The following SPIRE1 variants were observed in gnomAD, a reference collection of about 807,000 sequenced individuals.
SPIRE1 encodes spire type actin nucleation factor 1.
SPIRE1 carries 40 observed loss-of-function variants against 94.1 expected under a neutral mutation model. The observed-to-expected ratio is 0.43, with a 90% confidence interval of 0.33 to 0.55. The LOEUF (loss-of-function observed/expected upper bound fraction) is 0.55. Among genes scored for constraint, SPIRE1 ranks in the 20% least tolerant of loss-of-function variants. The probability of loss-of-function intolerance (pLI) is 0.06; values close to 1 mark genes in which losing one functional copy is unlikely to be tolerated. For synonymous variants in SPIRE1, 376 were observed against 371.7 expected, an observed-to-expected ratio of 1.01 and a Z score of -0.13; for missense variants, 838 against 975.2, an observed-to-expected ratio of 0.86 and a Z score of 1.87.
chr18:12,520,689 C>T (rs2034333028), intron 4 of SPIRE1, among the ~76,000 whole-genome samples: 1 of 152,096 alleles, frequency 6.6e-6, no homozygotes, highest in Non-Finnish European at 1.5e-5. Flanking sequence ...GATTTTCTGT[C>T]AAAAAGTGGT....
intron 5 of SPIRE1, among the ~76,000 whole-genome samples, chr18:12,508,241 T>C (rs547499527): frequency 1.3e-5 from 2 of 152,196 alleles, no homozygotes; most frequent in Non-Finnish European, 1.5e-5. Flanking sequence ...GAATCTTCTA[T>C]GTAAAATAAC....
intron 2 of SPIRE1, among the ~76,000 whole-genome samples, chr18:12,584,533 T>C (rs150461233): frequency 3.9e-5 from 6 of 152,270 alleles, no homozygotes; most frequent in Non-Finnish European, 7.4e-5. Context: ...CCAAATAATA[T>C]AGTCTCAAAA....
intron 2 of SPIRE1, among the ~76,000 whole-genome samples, chr18:12,592,833 C>A (rs796835144): frequency 6.6e-6 from 1 of 152,220 alleles, no homozygotes; most frequent in Non-Finnish European, 1.5e-5. Context: ...AGATAATTAA[C>A]TTCTATCTCC....
At position 12,449,815 on chromosome 18, in the gene SPIRE1, G is replaced by A. The variant is rs769846119; in HGVS notation, c.2094C>T (p.Thr698=). ...FPKELMEDWS[T]MEVCVDCKKF... ...TCTTGCAGTCCACACACACCTCCATGGTGCTCCAGTCCTCCATCAACTCTT... is the reference window on the plus strand; with the variant it reads ...TCTTGCAGTCCACACACACCTCCATAGTGCTCCAGTCCTCCATCAACTCTT... Residue 698 remains threonine, a synonymous_variant, in exon 17 of 17, where the codon ACC becomes ACT. Coordinates refer to ENST00000409402, the MANE Select transcript of SPIRE1 (RefSeq NM_001128626.2). 17 of 1,613,946 alleles carry A rather than the reference G, an allele frequency of 1.1e-5. No individual in the cohort carries two copies. Among genetic ancestry groups the A allele is most frequent in the Non-Finnish European group, 1.4e-5 (17 of 1,180,016 alleles).
chr18:12,579,698 T>C (rs1001444966), intron 2 of SPIRE1, among the ~76,000 whole-genome samples: 2 of 152,236 alleles, frequency 1.3e-5, no homozygotes, highest in Admixed American at 1.3e-4. Context: ...GCAGCAACAT[T>C]CACAAAGGTA....
In SPIRE1 at chr18:12,654,587, C is replaced by T. The variant is rs546119368; in HGVS notation, c.337+2943G>A. 2.8e-4 allele frequency among the ~76,000 whole-genome samples: 42 copies of T among 150,638 alleles called. 1 individual carries two copies. In the South Asian group the frequency reaches 4.4e-3, roughly 16 times the overall value. ...GCATGCACCTGGGAGGCGGAGCTTGCAAGCTTGCAGTGAGCTGAGATCGCG... is the reference window on the plus strand; with the variant it reads ...GCATGCACCTGGGAGGCGGAGCTTGTAAGCTTGCAGTGAGCTGAGATCGCG... On this transcript the variant is annotated intron_variant, in intron 1 of 16. Coordinates refer to ENST00000409402, the MANE Select transcript of SPIRE1 (RefSeq NM_001128626.2).
intron 1 of SPIRE1, among the ~76,000 whole-genome samples, chr18:12,648,340 A>G (rs1039174406): frequency 1.3e-5 from 2 of 152,172 alleles, no homozygotes; most frequent in African/African-American, 4.8e-5. Context: ...GTGATGTCAC[A>G]TGGTTATCAT....
At chr18:12,483,059 G>A (rs2032901206) in intron 9 of SPIRE1, among the ~76,000 whole-genome samples, 1 of 150,976 alleles carries the variant, frequency 6.6e-6, no homozygotes, top group Non-Finnish European at 1.5e-5. Flanking sequence ...TCCCACCTCA[G>A]CCTCCCAAGT....
intron 2 of SPIRE1, among the ~76,000 whole-genome samples, chr18:12,617,273 GGT>G (rs2037338253): frequency 6.6e-6 from 1 of 150,882 alleles, no homozygotes; most frequent in African/African-American, 2.4e-5. Flanking sequence ...GGAGTGCAGT[GGT>G]GTGATCTCAG....
chr18:12,538,918 T>C (rs1235482572), intron 3 of SPIRE1, among the ~76,000 whole-genome samples: 2 of 152,204 alleles, frequency 1.3e-5, no homozygotes, highest in Non-Finnish European at 2.9e-5. Flanking sequence ...GTTCTCTACT[T>C]TTCTCCATCT....
chr18:12,508,767 C>T (rs143873239), intron 5 of SPIRE1, among the ~76,000 whole-genome samples: 4 of 151,878 alleles, frequency 2.6e-5, no homozygotes, highest in East Asian at 1.9e-4. Context: ...TTCTGCCTCC[C>T]GGGTTCAAGT....
chr18:12,639,119 C>T (rs1220415979), intron 1 of SPIRE1, among the ~76,000 whole-genome samples: 1 of 151,136 alleles, frequency 6.6e-6, no homozygotes, highest in Non-Finnish European at 1.5e-5. Context: ...AAATGCATTC[C>T]TCAAAAAAAA....
intron 16 of SPIRE1, among the ~76,000 whole-genome samples, chr18:12,451,357 C>T (rs1452382658): frequency 6.6e-6 from 1 of 152,152 alleles, no homozygotes; most frequent in African/African-American, 2.4e-5. Context: ...TGGAGATAAC[C>T]AGACCAACAT....
intron 3 of SPIRE1, among the ~76,000 whole-genome samples, chr18:12,538,712 A>G (rs1019535866): frequency 3.3e-5 from 5 of 152,076 alleles, no homozygotes; most frequent in Admixed American, 3.3e-4. Flanking sequence ...GGGTCTTGCT[A>G]TGTTGCCCAA....
At chr18:12,643,955 G>A (rs1351353719) in intron 1 of SPIRE1, among the ~76,000 whole-genome samples, 1 of 151,548 alleles carries the variant, frequency 6.6e-6, no homozygotes, top group African/African-American at 2.4e-5. Context: ...TTGGAAGGCT[G>A]GGGGTGGGGG....
intron 1 of SPIRE1, among the ~76,000 whole-genome samples, chr18:12,650,795 C>A (rs916214322): frequency 6.7e-6 from 1 of 148,834 alleles, no homozygotes; most frequent in African/African-American, 2.5e-5. Context: ...GGGAGGATTG[C>A]TTGAATCTGG....
intron 2 of SPIRE1, among the ~76,000 whole-genome samples, chr18:12,612,788 A>C (rs2037179762): frequency 6.6e-6 from 1 of 152,162 alleles, no homozygotes. Context: ...GCCCACCTCC[A>C]GGCCTGCCAA....
intron 2 of SPIRE1, among the ~76,000 whole-genome samples, chr18:12,560,327 A>G (rs1381951996): frequency 6.6e-6 from 1 of 152,212 alleles, no homozygotes; most frequent in African/African-American, 2.4e-5. Context: ...AGATTTGGAA[A>G]CAACCTAAGT....
At chr18:12,468,048 G>A (rs571412949) in intron 10 of SPIRE1, among the ~76,000 whole-genome samples, 1 of 152,278 alleles carries the variant, frequency 6.6e-6, no homozygotes, top group South Asian at 2.1e-4. Context: ...CTTTACTCCA[G>A]GGTGGAAACC....
Sources: allele counts gnomAD v4.1 joint callset (sites outside exome capture counted in the v4.1 genomes callset), GRCh38; gene constraint gnomAD v4.1.1; transcripts MANE v1.5; gene names NCBI Gene and HGNC (gene_info 2026-07-23, HGNC 2026-07-21).